TTC28: variants seen among roughly 807,000 people sequenced by gnomAD.
TTC28 encodes the protein tetratricopeptide repeat domain 28.
A neutral mutation model predicts 198.0 loss-of-function variants in TTC28; 61 were observed. The ratio of observed to expected loss-of-function variants is 0.31; its 90% confidence interval spans 0.25 to 0.38. The LOEUF is 0.38. Ranked by LOEUF, TTC28 falls within the 10% of genes least tolerant of loss-of-function variation. The pLI is 1.00. For synonymous variants in TTC28, 1,171 were observed against 1,297.8 expected, an observed-to-expected ratio of 0.90 and a Z score of 2.10; for missense variants, 2,678 against 3,164.0, an observed-to-expected ratio of 0.85 and a Z score of 3.69.
At chr22:28,277,310 G>C (rs1437163073) in intron 5 of TTC28, among the ~76,000 whole-genome samples, 1 of 152,176 alleles carries the variant, frequency 6.6e-6, no homozygotes, top group Non-Finnish European at 1.5e-5. Context: ...ATGGTAATTA[G>C]AGAAAAATAC....
chr22:28,587,894 C>T (rs991071741), intron 2 of TTC28, among the ~76,000 whole-genome samples: 8 of 151,988 alleles, frequency 5.3e-5, no homozygotes, highest in African/African-American at 1.9e-4. Flanking sequence ...GTAATCCTAG[C>T]ACTTTGGGAG....
At chr22:28,126,885 T>G (rs964115624) in intron 6 of TTC28, among the ~76,000 whole-genome samples, 2 of 152,168 alleles carry the variant, frequency 1.3e-5, no homozygotes, top group African/African-American at 4.8e-5. Context: ...GACAGCCTTA[T>G]CCACATGTCC....
chr22:28,032,928 G>C (rs1328932798), intron 12 of TTC28, among the ~76,000 whole-genome samples: 1 of 152,222 alleles, frequency 6.6e-6, no homozygotes, highest in Non-Finnish European at 1.5e-5. Flanking sequence ...GATGTCAGCT[G>C]AACAGGCAGG....
chr22:28,169,474 T>C (rs377268684), intron 5 of TTC28, among the ~76,000 whole-genome samples: 1 of 152,176 alleles, frequency 6.6e-6, no homozygotes, highest in Admixed American at 6.5e-5. Flanking sequence ...ATATACACCA[T>C]GGAATACTAT....
chr22:28,125,525 A>G (rs1942893265), intron 6 of TTC28, among the ~76,000 whole-genome samples: 1 of 152,218 alleles, frequency 6.6e-6, no homozygotes, highest in African/African-American at 2.4e-5. Flanking sequence ...GCTCACTGTA[A>G]TTACCACCAA....
chr22:28,161,723 G>GAGGACAGGACAGGAC (rs558079633), intron 6 of TTC28, among the ~76,000 whole-genome samples: 1 of 144,216 alleles, frequency 6.9e-6, no homozygotes, highest in East Asian at 2.2e-4. Context: ...GGAAAGGAAA[G>GAGGACAGGACAGGAC]AGGACAGGAC....
intron 2 of TTC28, among the ~76,000 whole-genome samples, chr22:28,559,485 G>A (rs1257165360): frequency 1.3e-5 from 2 of 152,242 alleles, no homozygotes; most frequent in African/African-American, 2.4e-5. Flanking sequence ...AATTCTGCCT[G>A]CTGAATTTAT....
At chr22:28,407,861 A>G (rs695305) in intron 2 of TTC28, among the ~76,000 whole-genome samples, 2,299 of 152,328 alleles carry the variant, frequency 0.015, 48 homozygotes, top group East Asian at 0.084. Flanking sequence ...TGGATCTGGC[A>G]TTATGCCAAG....
chr22:28,364,195 C>T (rs1009810151), intron 2 of TTC28, among the ~76,000 whole-genome samples: 1 of 152,182 alleles, frequency 6.6e-6, no homozygotes, highest in Admixed American at 6.5e-5. Context: ...CTTTCCTGTG[C>T]TGTTCTCATG....
intron 2 of TTC28, among the ~76,000 whole-genome samples, chr22:28,562,042 T>C (rs972593615): frequency 3.9e-5 from 6 of 152,204 alleles, no homozygotes; most frequent in South Asian, 2.1e-4. Flanking sequence ...CAAATACTTA[T>C]GGAATTCCCA....
At chr22:28,089,438 C>G (rs1941737382) in intron 12 of TTC28, among the ~76,000 whole-genome samples, 1 of 151,126 alleles carries the variant, frequency 6.6e-6, no homozygotes, top group Non-Finnish European at 1.5e-5. Context: ...ACCGCATATT[C>G]TCACTCATAG....
intron 12 of TTC28, among the ~76,000 whole-genome samples, chr22:28,066,051 G>A (rs1206194346): frequency 6.6e-6 from 1 of 152,108 alleles, no homozygotes; most frequent in African/African-American, 2.4e-5. Context: ...AATATTTCTT[G>A]CTTAAAGGCA....
intron 2 of TTC28, among the ~76,000 whole-genome samples, chr22:28,352,626 A>T (rs1352229490): frequency 1.3e-5 from 2 of 152,002 alleles, no homozygotes; most frequent in African/African-American, 4.8e-5. Flanking sequence ...TAGCCCACTG[A>T]TACCCCCTCA....
intron 2 of TTC28, among the ~76,000 whole-genome samples, chr22:28,398,803 T>C (rs2046856043): frequency 6.6e-6 from 1 of 152,210 alleles, no homozygotes; most frequent in African/African-American, 2.4e-5. Flanking sequence ...TTCATAATAA[T>C]ATTTTTCTCA....
At chr22:28,138,020 T>G (rs183150784) in intron 6 of TTC28, among the ~76,000 whole-genome samples, 13 of 151,876 alleles carry the variant, frequency 8.6e-5, no homozygotes, top group East Asian at 3.9e-4. Context: ...CGTTGTTGTT[T>G]TTTTTTAAAA....
chr22:28,470,136 C>T (rs1244161703), intron 2 of TTC28, among the ~76,000 whole-genome samples: 1 of 152,180 alleles, frequency 6.6e-6, no homozygotes, highest in African/African-American at 2.4e-5. Context: ...TAAGCCACCA[C>T]ACTCAGCCTA....
rs984516842 is a variant in TTC28, at chr22:27,992,641, T to G, written c.5499A>C (p.Gln1833His). The change falls in exon 19 of 23, where the codon CAA (glutamine) becomes CAC (histidine). Residue 1833 changes from glutamine to histidine, a missense_variant. By Grantham distance (24) the Gln-to-His change is conservative (BLOSUM62 0). Coordinates refer to ENST00000397906, the MANE Select transcript of TTC28 (RefSeq NM_001145418.2). ...AGGCAGTGATGAGTTTGCAAAGGGC[T>G]TGGAGGGCAGGATTGGGCAGACCTA... Reference protein sequence around the residue: ...SLLGLPNPALQALCKLITASE... With the variant: ...SLLGLPNPALHALCKLITASE... 6.4e-7 allele frequency: 1 copy of G among 1,551,584 alleles called. No individual in the cohort carries two copies. The highest frequency in any genetic ancestry group is 1.2e-5 in the South Asian group (1 of 84,044).
intron 12 of TTC28, among the ~76,000 whole-genome samples, chr22:28,093,106 T>C (rs1334109716): frequency 6.6e-6 from 1 of 152,214 alleles, no homozygotes; most frequent in Non-Finnish European, 1.5e-5. Context: ...GGGGTTGGAC[T>C]AGATGACTAC....
intron 5 of TTC28, among the ~76,000 whole-genome samples, chr22:28,164,040 C>T (rs902677560): frequency 6.6e-5 from 10 of 152,178 alleles, no homozygotes; most frequent in African/African-American, 2.4e-4. Flanking sequence ...TGGAGCCTTG[C>T]TCATTGCTAG....
Sources: gnomAD v4.1 joint callset for allele counts (sites outside exome capture counted in the v4.1 genomes callset) on GRCh38, gnomAD v4.1.1 for gene constraint, MANE v1.5 for transcripts, NCBI Gene and HGNC (gene_info 2026-07-23, HGNC 2026-07-21) for gene names.